CBFA2T3: variants seen among roughly 807,000 people sequenced by gnomAD.
The protein encoded by CBFA2T3 is transcriptional corepressor CBFA2T3.
CBFA2T3 carries 31 observed loss-of-function variants against 58.6 expected under a neutral mutation model. The ratio of observed to expected loss-of-function variants is 0.53; its 90% CI spans 0.40 to 0.71. The LOEUF is 0.71. CBFA2T3 is among the 30% of genes least tolerant of loss of function. The pLI is 0.00. For synonymous variants in CBFA2T3, 531 were observed against 421.9 expected (o/e 1.26, Z -3.17); for missense variants, 1,076 against 963.1 (o/e 1.12, Z -1.55).
rs532487141 is a variant in CBFA2T3 at position 88,954,694 on chromosome 16, C to T, written c.151+21963G>A. 4.2e-4 allele frequency among the ~76,000 whole-genome samples: 19 copies of T among 44,962 alleles called. 1 individual carries two copies. In the South Asian group the frequency reaches 0.02, roughly 48 times the overall value. 29.5% of individuals were successfully genotyped at this position (44,962 alleles called of 152,430 possible). A position where few individuals can be genotyped will look rare whatever the true frequency, so the allele number is the denominator to read the frequency against. ...AAGGCTCCTGACCCCGCCCAAGGCT[C>T]CTGACCTCAGCCAAGGCTCCTGACC... On this transcript the variant is annotated intron_variant, in intron 1 of 11. Transcript: ENST00000268679.
intron 1 of CBFA2T3, among the ~76,000 whole-genome samples, chr16:88,910,169 C>T (rs1397557669): frequency 2.0e-5 from 3 of 152,252 alleles, no homozygotes; most frequent in African/African-American, 7.2e-5. Context: ...AGGGCCTTTG[C>T]ATGGCGGTGT....
At chr16:88,891,292 T>C (rs1292484817) in intron 5 of CBFA2T3, among the ~76,000 whole-genome samples, 2 of 152,190 alleles carry the variant, frequency 1.3e-5, no homozygotes, top group African/African-American at 2.4e-5. Context: ...GTGCAGTTAC[T>C]GCTGTCTGGA....
At chr16:88,934,925 A>G (rs545607799) in intron 1 of CBFA2T3, among the ~76,000 whole-genome samples, 1 of 152,266 alleles carries the variant, frequency 6.6e-6, no homozygotes, top group Admixed American at 6.5e-5. Context: ...ATTTTTTAGT[A>G]GAGACGGGGT....
At chr16:88,966,766 G>T (rs1471909122) in intron 1 of CBFA2T3, among the ~76,000 whole-genome samples, 2 of 152,118 alleles carry the variant, frequency 1.3e-5, no homozygotes, top group African/African-American at 4.8e-5. Flanking sequence ...CGTCTCCAGT[G>T]ACTCCCGTGC....
chr16:88,914,969 C>A (rs542857381), intron 1 of CBFA2T3, among the ~76,000 whole-genome samples: 1 of 102,244 alleles, frequency 9.8e-6, no homozygotes, highest in Non-Finnish European at 2.1e-5. Flanking sequence ...CGCCCGCTGC[C>A]GGGGCGGGGT....
intron 1 of CBFA2T3, among the ~76,000 whole-genome samples, chr16:88,911,065 C>A (rs1476421209): frequency 6.6e-6 from 1 of 152,248 alleles, no homozygotes; most frequent in African/African-American, 2.4e-5. Context: ...TGCCATCGGT[C>A]TAGGCAGACC....
At chr16:88,934,694 C>T (rs1456107856) in intron 1 of CBFA2T3, among the ~76,000 whole-genome samples, 1 of 152,256 alleles carries the variant, frequency 6.6e-6, no homozygotes, top group Non-Finnish European at 1.5e-5. Flanking sequence ...GAAAGAGGCA[C>T]GAAGGGCCGT....
At chr16:88,974,295 C>T (rs1972734707) in intron 1 of CBFA2T3, among the ~76,000 whole-genome samples, 1 of 152,182 alleles carries the variant, frequency 6.6e-6, no homozygotes, top group Admixed American at 6.5e-5. Context: ...GCACCGCAAG[C>T]ACCGTCTTCA....
Position 88,879,255 on chromosome 16 carries a change from G to A in CBFA2T3, c.1662+15C>T, listed in dbSNP as rs371410667. The A allele has an allele frequency of 2.3e-5, 37 of 1,577,722 alleles. No individual in the cohort carries two copies. The African/African-American group carries it at 4.6e-4, about 19-fold the overall frequency. On this transcript the variant is annotated intron_variant, in intron 11 of 11. Coordinates refer to ENST00000268679, the MANE Select transcript of CBFA2T3 (RefSeq NM_005187.6). ...GAGGCAGGGGATGGGTGTCAGCGTG[G>A]CCGGGTGGCCCTACCTCGCTGGAGT...
At chr16:88,925,137 T>A (rs554031829) in intron 1 of CBFA2T3, among the ~76,000 whole-genome samples, 348 of 152,310 alleles carry the variant, frequency 2.3e-3, no homozygotes, top group Middle Eastern at 0.01. Flanking sequence ...TCGCTGACCC[T>A]GGGGCAGCAG....
Position 88,877,295 on chromosome 16 carries a change from C to T in CBFA2T3, c.1663-20G>A. ...GCAGCTCTGGGTGGGGGCAGAGGGGCCAGTCAGGGCTGGGTCTGGCCACCC... is the reference window on the plus strand; with the variant it reads ...GCAGCTCTGGGTGGGGGCAGAGGGGTCAGTCAGGGCTGGGTCTGGCCACCC... On this transcript the variant is annotated intron_variant, in intron 11 of 11. Coordinates refer to ENST00000268679, the MANE Select transcript of CBFA2T3 (RefSeq NM_005187.6). 4 of 1,530,914 alleles carry T rather than the reference C, an allele frequency of 2.6e-6. No individual in the cohort carries two copies. The highest frequency in any genetic ancestry group is 2.4e-5 in the South Asian group (2 of 82,828). The allele number at this position is 1,530,914 out of a possible 1,614,324, so 94.8% of individuals were successfully genotyped here. A position where few individuals can be genotyped will look rare whatever the true frequency, so the allele number is the denominator to read the frequency against.
chr16:88,903,042 G>A (rs761113767), intron 1 of CBFA2T3, among the ~76,000 whole-genome samples: 1 of 152,212 alleles, frequency 6.6e-6, no homozygotes, highest in Non-Finnish European at 1.5e-5. Context: ...CACAGTTGGG[G>A]GCTGGTATCT....
intron 1 of CBFA2T3, among the ~76,000 whole-genome samples, chr16:88,908,752 T>C (rs959831937): frequency 7.2e-5 from 11 of 152,224 alleles, no homozygotes; most frequent in African/African-American, 2.7e-4. Flanking sequence ...GTAACCTTCT[T>C]TGACCCCTCA....
intron 5 of CBFA2T3, 144 bp from the exon 6 acceptor site, chr16:88,886,286 C>T (rs1488878832): frequency 9.8e-6 from 5 of 509,864 alleles, no homozygotes; most frequent in Non-Finnish European, 1.3e-5. Context: ...CCTCTCTGGG[C>T]CTCAAGTTCC....
intron 1 of CBFA2T3, among the ~76,000 whole-genome samples, chr16:88,955,969 T>C (rs1308454775): frequency 6.8e-6 from 1 of 147,714 alleles, no homozygotes; most frequent in African/African-American, 2.5e-5. Flanking sequence ...CCAAGGCTCC[T>C]GACCCCGCCC....
intron 3 of CBFA2T3, among the ~76,000 whole-genome samples, chr16:88,895,984 G>C (rs969023892): frequency 1.3e-5 from 2 of 152,190 alleles, no homozygotes; most frequent in Admixed American, 6.5e-5. Flanking sequence ...GACCTCCTTT[G>C]TACTGTGTGT....
chr16:88,931,389 C>T lies in CBFA2T3; in HGVS notation c.152-29733G>A, dbSNP rs544613425. Among the ~76,000 whole-genome samples, 167 of 152,250 alleles carry T rather than the reference C, an allele frequency of 1.1e-3. 1 individual carries two copies. The highest frequency in any genetic ancestry group is 3.7e-3 in the African/African-American group (154 of 41,542). On this transcript the variant is annotated intron_variant, in intron 1 of 11. Coordinates refer to ENST00000268679, the MANE Select transcript of CBFA2T3 (RefSeq NM_005187.6). Reference sequence around the variant, plus strand: ...GCTGCAAACAACCCCCTTCCAGAGACACAAGCACACCCTTAAGGGTGGGAA... The same window carrying T: ...GCTGCAAACAACCCCCTTCCAGAGATACAAGCACACCCTTAAGGGTGGGAA...
At chr16:88,930,635 G>T (rs972700322) in intron 1 of CBFA2T3, among the ~76,000 whole-genome samples, 1 of 149,472 alleles carries the variant, frequency 6.7e-6, no homozygotes, top group Non-Finnish European at 1.5e-5. Context: ...GAACAGGCAA[G>T]TTCACAGAGA....
chr16:88,880,686 GCTCTGCTGGC>G, intron 10 of CBFA2T3, 24 bp downstream of exon 10: 1 of 1,531,244 alleles, frequency 6.5e-7, no homozygotes, highest in Non-Finnish European at 8.8e-7. Context: ...GCCTCCCACA[GCTCTGCTGGC>G]CAGGCCCCTG....
Sources: gnomAD v4.1 joint callset for allele counts (sites outside exome capture counted in the v4.1 genomes callset) on GRCh38, gnomAD v4.1.1 for gene constraint, MANE v1.5 for transcripts, NCBI Gene and HGNC (gene_info 2026-07-23, HGNC 2026-07-21) for gene names.